IKZF2: variants seen among roughly 807,000 people sequenced by gnomAD.
The protein encoded by IKZF2 is IKAROS family zinc finger 2, also known as zinc finger protein Helios.
IKZF2 carries 15 observed loss-of-function variants against 49.2 expected under a neutral mutation model. The observed-to-expected ratio is 0.30, with a 90% CI of 0.20 to 0.47. IKZF2 has a LOEUF of 0.47. Ranked by LOEUF, IKZF2 falls within the 20% of genes least tolerant of loss-of-function variation. The pLI, the probability that IKZF2 is intolerant of heterozygous loss-of-function variation, is 1.00. For missense variants in IKZF2, 567 were observed against 664.6 expected, an observed-to-expected ratio of 0.85 and a Z score of 1.61; for synonymous variants, 227 against 221.4, an observed-to-expected ratio of 1.03 and a Z score of -0.23.
intron 6 of IKZF2, among the ~76,000 whole-genome samples, chr2:213,030,437 G>T (rs1170976380): frequency 2.0e-5 from 3 of 152,022 alleles, no homozygotes; most frequent in Admixed American, 6.5e-5. Context: ...TTAGGTGTCT[G>T]TCAAAAATCA....
intron 6 of IKZF2, among the ~76,000 whole-genome samples, chr2:213,036,844 G>C (rs1377450764): frequency 1.3e-5 from 2 of 152,084 alleles, no homozygotes; most frequent in Non-Finnish European, 2.9e-5. Flanking sequence ...ATAGGCTGTG[G>C]ATGAACAGGT....
At chr2:213,077,877 C>T (rs554965122) in intron 4 of IKZF2, among the ~76,000 whole-genome samples, 2 of 152,022 alleles carry the variant, frequency 1.3e-5, no homozygotes, top group Non-Finnish European at 2.9e-5. Flanking sequence ...TGTGAGCCAC[C>T]GCACCCGGCC....
At chr2:213,042,189 A>C (rs2125276007) in intron 6 of IKZF2, among the ~76,000 whole-genome samples, 1 of 149,732 alleles carries the variant, frequency 6.7e-6, no homozygotes, top group East Asian at 2.0e-4. Flanking sequence ...GCTTTATAGA[A>C]TAAACATACG....
Position 213,000,376 on chromosome 2 carries a change from CA to C in IKZF2, c.*6983del, listed in dbSNP as rs1199093846. On this transcript the variant is annotated 3_prime_UTR_variant, in exon 9 of 9. Transcript: ENST00000434687. ...TTTTTCTTTTTTTGCTTCTAAAACA[CA>C]AAATACCCTAGAAACTGTCAAGCAA... 2.0e-5 allele frequency: 3 copies of C among 149,756 alleles called. No individual in the cohort carries two copies. The highest frequency in any genetic ancestry group is 4.5e-5 in the Non-Finnish European group (3 of 67,108). The allele number at this position is 149,756 out of a possible 1,614,324, so 9.3% of individuals were successfully genotyped here. A position where few individuals can be genotyped will look rare whatever the true frequency, so the allele number is the denominator to read the frequency against.
chr2:213,128,551 C>T (rs1162620356), intron 4 of IKZF2, among the ~76,000 whole-genome samples: 1 of 152,120 alleles, frequency 6.6e-6, no homozygotes, highest in Non-Finnish European at 1.5e-5. Flanking sequence ...TCTACAGGGC[C>T]TCACCCCAAA....
At position 213,091,640 on chromosome 2, in the gene IKZF2, G is replaced by A. The variant is rs572481787; in HGVS notation, c.140-34541C>T. On this transcript the variant is annotated intron_variant, in intron 4 of 8. Coordinates refer to ENST00000434687, the MANE Select transcript of IKZF2 (RefSeq NM_001387220.1). ...AAGGAATTAGAGATGTTAACCAAGA[G>A]AAAAACAACAGGGAAAGGTAGATAT... is the stretch of plus-strand genomic sequence containing the variant. Among the ~76,000 whole-genome samples, 4 of 152,234 alleles carry A rather than the reference G, an allele frequency of 2.6e-5. No individual in the cohort carries two copies. In the South Asian group the frequency reaches 8.3e-4, roughly 32 times the overall value.
intron 4 of IKZF2, among the ~76,000 whole-genome samples, chr2:213,124,090 T>C (rs1044609619): frequency 1.2e-4 from 18 of 152,128 alleles, no homozygotes; most frequent in Non-Finnish European, 2.5e-4. Flanking sequence ...AGAGACCACC[T>C]GTCATGCATG....
chr2:213,122,094 A>T (rs1440059472), intron 4 of IKZF2, among the ~76,000 whole-genome samples: 1 of 151,734 alleles, frequency 6.6e-6, no homozygotes, highest in East Asian at 1.9e-4. Context: ...GAAAAGACAG[A>T]CAGAGAGACA....
At chr2:213,083,232 C>G (rs946048410) in intron 4 of IKZF2, among the ~76,000 whole-genome samples, 1 of 152,082 alleles carries the variant, frequency 6.6e-6, no homozygotes, top group Non-Finnish European at 1.5e-5. Flanking sequence ...AAACCCCAGG[C>G]CAGGGACCAG....
chr2:213,138,439 T>C (rs138287201), intron 4 of IKZF2, among the ~76,000 whole-genome samples: 1,529 of 152,056 alleles, frequency 0.01, 24 homozygotes, highest in African/African-American at 0.035. Context: ...ACAAGTAAAT[T>C]AGGATTTTTG....
chr2:213,080,006 T>A (rs543752008), intron 4 of IKZF2, among the ~76,000 whole-genome samples: 1 of 152,288 alleles, frequency 6.6e-6, no homozygotes, highest in Admixed American at 6.5e-5. Context: ...CTGAGCAATA[T>A]TTAGCAAGAA....
chr2:213,083,551 C>CTTTTTTTTTTTTTTTTTTTTTTTTTTT (rs35297007), intron 4 of IKZF2, among the ~76,000 whole-genome samples: 3 of 93,956 alleles, frequency 3.2e-5, no homozygotes, highest in African/African-American at 4.0e-5. Context: ...ACCAGGCTAA[C>CTTTTTTTTTTTTTTTTTTTTTTTTTTT]TTTTTTTTTT....
At chr2:213,129,651 T>C (rs2060407175) in intron 4 of IKZF2, among the ~76,000 whole-genome samples, 1 of 152,096 alleles carries the variant, frequency 6.6e-6, no homozygotes, top group South Asian at 2.1e-4. Context: ...AAGCAATGAA[T>C]TGTTATGATC....
chr2:213,060,336 C>G (rs1022200074), intron 4 of IKZF2, among the ~76,000 whole-genome samples: 5 of 151,250 alleles, frequency 3.3e-5, no homozygotes, highest in Non-Finnish European at 7.4e-5. Flanking sequence ...ATATATAAGA[C>G]TTTTGTTATA....
intron 4 of IKZF2, among the ~76,000 whole-genome samples, chr2:213,134,675 T>C (rs2060591127): frequency 6.6e-6 from 1 of 152,214 alleles, no homozygotes; most frequent in Admixed American, 6.5e-5. Flanking sequence ...TGAAGAAGTA[T>C]GCTTCTTTCT....
intron 4 of IKZF2, among the ~76,000 whole-genome samples, chr2:213,061,405 T>G (rs946406994): frequency 2.0e-5 from 3 of 151,560 alleles, no homozygotes; most frequent in Non-Finnish European, 4.4e-5. Flanking sequence ...AAAATCATGT[T>G]ATTTTGTGAA....
At chr2:213,089,935 C>G (rs796571532) in intron 4 of IKZF2, among the ~76,000 whole-genome samples, 6 of 152,248 alleles carry the variant, frequency 3.9e-5, no homozygotes, top group African/African-American at 1.4e-4. Context: ...GAGACACTTC[C>G]TGATACTCTG....
chr2:213,056,744 CCT>C, intron 5 of IKZF2, 87 bp downstream of exon 5: 1 of 1,507,422 alleles, frequency 6.6e-7, no homozygotes, highest in Non-Finnish European at 9.1e-7. Flanking sequence ...CACTGCCACC[CCT>C]GAATAAAAAG....
intron 4 of IKZF2, among the ~76,000 whole-genome samples, chr2:213,109,843 A>G (rs1377724713): frequency 6.6e-6 from 1 of 152,016 alleles, no homozygotes; most frequent in African/African-American, 2.4e-5. Context: ...AAATTCTAAA[A>G]TGAACACTGG....
Sources: allele counts gnomAD v4.1 joint callset (sites outside exome capture counted in the v4.1 genomes callset), GRCh38; gene constraint gnomAD v4.1.1; transcripts MANE v1.5; gene names NCBI Gene and HGNC (gene_info 2026-07-23, HGNC 2026-07-21).